CCDC7: variants seen among roughly 807,000 people sequenced by gnomAD.
The protein encoded by CCDC7 is coiled-coil domain containing 7, also known as coiled-coil domain-containing protein 7.
CCDC7 carries 183 observed loss-of-function variants against 196.9 expected under a neutral mutation model. The ratio of observed to expected loss-of-function variants is 0.93; its 90% confidence interval spans 0.82 to 1.05. The LOEUF (loss-of-function observed/expected upper bound fraction) is 1.05, where lower values mean the gene tolerates loss of function less well. Ranked by LOEUF, CCDC7 falls within the 50% of genes least tolerant of loss-of-function variation. The pLI, the probability that CCDC7 is intolerant of heterozygous loss-of-function variation, is 0.00. For missense variants in CCDC7, 1,540 were observed against 1,482.2 expected, an observed-to-expected ratio of 1.04 and a Z score of -0.64; for synonymous variants, 525 against 484.6, an observed-to-expected ratio of 1.08 and a Z score of -1.10.
intron 18 of CCDC7, among the ~76,000 whole-genome samples, chr10:32,618,022 A>C (rs2062964662): frequency 1.3e-5 from 2 of 151,772 alleles, no homozygotes; most frequent in Admixed American, 6.6e-5. Flanking sequence ...TTTTGATCTA[A>C]AGTCTGTGTT....
intron 20 of CCDC7, among the ~76,000 whole-genome samples, chr10:32,642,301 G>A (rs1203097698): frequency 6.6e-6 from 1 of 152,232 alleles, no homozygotes; most frequent in Non-Finnish European, 1.5e-5. Flanking sequence ...GCTCCACCCA[G>A]TTTGAGTTTC....
intron 13 of CCDC7, among the ~76,000 whole-genome samples, chr10:32,559,397 A>C (rs1465609207): frequency 3.9e-5 from 6 of 152,218 alleles, no homozygotes; most frequent in Non-Finnish European, 5.9e-5. Flanking sequence ...CCCTGACCCC[A>C]GAGCAGCCTA....
At chr10:32,733,690 G>A (rs2084369015) in intron 28 of CCDC7, among the ~76,000 whole-genome samples, 1 of 152,084 alleles carries the variant, frequency 6.6e-6, no homozygotes, top group Admixed American at 6.6e-5. Flanking sequence ...ACTAAGATAA[G>A]TATGTTAATT....
intron 21 of CCDC7, among the ~76,000 whole-genome samples, chr10:32,666,508 T>G (rs1157239796): frequency 6.6e-6 from 1 of 152,044 alleles, no homozygotes; most frequent in Non-Finnish European, 1.5e-5. Flanking sequence ...GTATAACTTC[T>G]AATGCTATCG....
intron 9 of CCDC7, among the ~76,000 whole-genome samples, chr10:32,506,604 C>T (rs2045183209): frequency 6.6e-6 from 1 of 152,244 alleles, no homozygotes; most frequent in African/African-American, 2.4e-5. Flanking sequence ...GCAATCCCAG[C>T]ACCTCGGGAG....
At chr10:32,756,104 A>G (rs1162880126) in intron 28 of CCDC7, among the ~76,000 whole-genome samples, 5 of 152,230 alleles carry the variant, frequency 3.3e-5, no homozygotes, top group African/African-American at 4.8e-5. Flanking sequence ...ATATGGGACT[A>G]TGGGAAAAGA....
At chr10:32,542,121 G>A (rs534405689) in intron 11 of CCDC7, among the ~76,000 whole-genome samples, 35 of 152,146 alleles carry the variant, frequency 2.3e-4, no homozygotes, top group African/African-American at 8.0e-4. Flanking sequence ...TTGTCCAAAC[G>A]TCCTAAAATT....
chr10:32,830,395 A>G (rs2092040217), intron 32 of CCDC7, among the ~76,000 whole-genome samples: 1 of 151,708 alleles, frequency 6.6e-6, no homozygotes, highest in Non-Finnish European at 1.5e-5. Flanking sequence ...AAAGAAAAAA[A>G]AACAGGAAGA....
intron 9 of CCDC7, 64 bp downstream of exon 10, chr10:32,492,061 TA>T: frequency 2.1e-6 from 3 of 1,442,646 alleles, no homozygotes; most frequent in Non-Finnish European, 2.8e-6. Flanking sequence ...GATAAAATTG[TA>T]TTTTTCCATA....
chr10:32,546,687 A>G (rs1442714198), intron 13 of CCDC7, among the ~76,000 whole-genome samples: 3 of 152,256 alleles, frequency 2.0e-5, no homozygotes, highest in African/African-American at 7.2e-5. Flanking sequence ...GCAAGTTACC[A>G]CAAATTTAGC....
intron 39 of CCDC7, among the ~76,000 whole-genome samples, chr10:32,850,397 G>A (rs914471150): frequency 3.3e-5 from 5 of 152,142 alleles, no homozygotes; most frequent in Non-Finnish European, 7.4e-5. Flanking sequence ...AGTTCTAAGA[G>A]CAGCATGCGG....
At chr10:32,446,882 T>TTGCCTGCC (rs71027088), upstream of CCDC7, among the ~76,000 whole-genome samples, 62 of 111,228 alleles carry the variant, frequency 5.6e-4, no homozygotes, top group African/African-American at 1.7e-3. Flanking sequence ...CAAGTGAGCG[T>TTGCCTGCC]TGCCTGCCTG....
intron 28 of CCDC7, among the ~76,000 whole-genome samples, chr10:32,770,823 C>T (rs2079052487): frequency 6.6e-6 from 1 of 152,122 alleles, no homozygotes; most frequent in African/African-American, 2.4e-5. Context: ...ATCTTTTTAT[C>T]ATTATGTACT....
At chr10:32,532,908 C>A (rs1231030141) in intron 11 of CCDC7, among the ~76,000 whole-genome samples, 1 of 151,952 alleles carries the variant, frequency 6.6e-6, no homozygotes, top group African/African-American at 2.4e-5. Flanking sequence ...TTTCTTTACT[C>A]ATTCAGCCAC....
intron 18 of CCDC7, among the ~76,000 whole-genome samples, chr10:32,627,548 C>CTGAATAGAAG (rs2064229758): frequency 6.6e-6 from 1 of 151,818 alleles, no homozygotes; most frequent in Non-Finnish European, 1.5e-5. Context: ...AGTACTAATA[C>CTGAATAGAAG]TGAATAGAAG....
intron 8 of CCDC7, among the ~76,000 whole-genome samples, chr10:32,490,968 G>A (rs902307288): frequency 6.6e-6 from 1 of 152,130 alleles, no homozygotes; most frequent in African/African-American, 2.4e-5. Flanking sequence ...TCAAAGTAAA[G>A]CCTCTGTTTG....
intron 18 of CCDC7, among the ~76,000 whole-genome samples, chr10:32,623,003 G>A (rs1215777112): frequency 6.6e-6 from 1 of 152,002 alleles, no homozygotes; most frequent in African/African-American, 2.4e-5. Flanking sequence ...ATGACAATTC[G>A]CAAACTCTCT....
intron 9 of CCDC7, among the ~76,000 whole-genome samples, chr10:32,494,097 C>CA (rs1404267533): frequency 2.6e-5 from 4 of 151,938 alleles, no homozygotes; most frequent in African/African-American, 9.7e-5. Flanking sequence ...GGGGTCATAT[C>CA]AAAAAAATCT....
chr10:32,466,873 AT>A (rs1426566054), intron 5 of CCDC7, among the ~76,000 whole-genome samples: 2 of 152,186 alleles, frequency 1.3e-5, no homozygotes, highest in African/African-American at 4.8e-5. Context: ...CAGGCAACTA[AT>A]TTATACTCCC....
Sources: gnomAD v4.1 joint callset for allele counts (sites outside exome capture counted in the v4.1 genomes callset) on GRCh38, gnomAD v4.1.1 for gene constraint, MANE v1.5 for transcripts, NCBI Gene and HGNC (gene_info 2026-07-23, HGNC 2026-07-21) for gene names.